Variants in DMXL1 observed in about 807,000 individuals in gnomAD.
The protein encoded by DMXL1 is dmX-like protein 1.
In DMXL1, 99 loss-of-function variants were observed where a neutral mutation model predicts 319.2. The ratio of observed to expected loss-of-function variants is 0.31; its 90% confidence interval spans 0.26 to 0.37. The LOEUF is 0.37. DMXL1 is among the 10% of genes least tolerant of loss of function. The pLI is 1.00. For synonymous variants in DMXL1, 1,385 were observed against 1,235.2 expected (o/e 1.12, Z -2.54); for missense variants, 3,745 against 3,595.6 (o/e 1.04, Z -1.06).
In DMXL1 at chr5:119,149,398, G is replaced by T; in HGVS notation, c.3571G>T (p.Val1191Phe). ...LAFPLWESTKVVPLSKFVLLR... is the reference protein window; with the variant it reads ...LAFPLWESTKFVPLSKFVLLR... ...ATTTCCTCTCTGGGAGAGTACCAAA[G>T]TTGTGCCCCTTTCTAAATTTGTACT... The change falls in exon 18 of 44, where the codon GTT becomes TTT. Residue 1191 changes from valine to phenylalanine, a missense_variant. This residue lies in a region of DMXL1 where 2,096 missense variants were observed against 1,985.4 expected (regional missense o/e 1.06). Transcript: ENST00000539542. 1 of 1,613,940 alleles carries T rather than the reference G, an allele frequency of 6.2e-7. No individual in the cohort carries two copies. The highest frequency in any genetic ancestry group is 1.1e-5 in the South Asian group (1 of 91,080).
chr5:119,235,219 G>GT (rs1216553654), intron 39 of DMXL1, among the ~76,000 whole-genome samples: 1 of 152,098 alleles, frequency 6.6e-6, no homozygotes, highest in Non-Finnish European at 1.5e-5. Context: ...AAAACTAAGT[G>GT]TCTGGAAAGG....
chr5:119,177,419 C>T lies in DMXL1; in HGVS notation c.6821C>T (p.Pro2274Leu), dbSNP rs1452293285. The change falls in exon 27 of 44, where the codon CCT (proline) becomes CTT (leucine). Residue 2274 changes from proline (P) to leucine (L), a missense_variant. Coordinates refer to ENST00000539542, the MANE Select transcript of DMXL1 (RefSeq NM_001290321.3). Reference sequence around the variant, plus strand: ...CAGACAGTACTGCTTCCTCATCGACCTTCTTTGAAAACAGGAAGCTTAGAT... The same window carrying T: ...CAGACAGTACTGCTTCCTCATCGACTTTCTTTGAAAACAGGAAGCTTAGAT... The part of the protein sequence containing the change: ...VYQTVLLPHR[P>L]SLKTGSLDEA... 6.2e-7 allele frequency: 1 copy of T among 1,609,100 alleles called. No individual in the cohort carries two copies. The highest frequency in any genetic ancestry group is 2.2e-5 in the East Asian group (1 of 44,594).
chr5:119,223,258 T>C (rs1416148041), intron 37 of DMXL1, among the ~76,000 whole-genome samples: 2 of 151,990 alleles, frequency 1.3e-5, no homozygotes, highest in Middle Eastern at 3.2e-3. Flanking sequence ...GGTTTTGCCA[T>C]GTTGGCCAGG....
intron 28 of DMXL1, among the ~76,000 whole-genome samples, chr5:119,186,587 TA>T (rs2150355770): frequency 6.6e-6 from 1 of 152,366 alleles, no homozygotes; most frequent in South Asian, 2.1e-4. Flanking sequence ...ATTAACTTAA[TA>T]ACCTTCCCCT....
rs542723505 is a variant in DMXL1, at chr5:119,246,985, T to C, written c.8923-10T>C. 1.3e-6 allele frequency: 2 copies of C among 1,585,468 alleles called. No individual in the cohort carries two copies. The highest frequency in any genetic ancestry group is 2.7e-5 in the African/African-American group (2 of 73,738). ...ACCCTAATTTTCCGTTTGTTCTTAA[T>C]ATCTTTCAGATTTGGAGTCTCTCTA... On this transcript the variant is annotated splice_polypyrimidine_tract_variant and intron_variant, in intron 43 of 43. Coordinates refer to ENST00000539542, the MANE Select transcript of DMXL1 (RefSeq NM_001290321.3).
intron 5 of DMXL1, among the ~76,000 whole-genome samples, chr5:119,112,616 G>A (rs1034719149): frequency 9.9e-5 from 15 of 152,044 alleles, no homozygotes; most frequent in African/African-American, 3.1e-4. Context: ...ATAGGTAATG[G>A]GTTAACATGT....
At chr5:119,093,792 A>G (rs188568983) in intron 1 of DMXL1, among the ~76,000 whole-genome samples, 39 of 152,320 alleles carry the variant, frequency 2.6e-4, no homozygotes, top group African/African-American at 9.4e-4. Flanking sequence ...AATGATAAGG[A>G]AGCAAAATAG....
At chr5:119,094,744 A>G (rs1755543264) in intron 1 of DMXL1, among the ~76,000 whole-genome samples, 1 of 152,258 alleles carries the variant, frequency 6.6e-6, no homozygotes, top group South Asian at 2.1e-4. Flanking sequence ...GAGGAGGTCA[A>G]AATATCAACA....
Position 119,173,776 on chromosome 5 carries a change from G to GTGTGTGTGTATATATATATA in DMXL1, c.6682-1484_6682-1483insGTGTGTGTATATATATATAT. 1.0e-4 allele frequency among the ~76,000 whole-genome samples: 7 copies of GTGTGTGTGTATATATATATA among 67,170 alleles called. 1 individual carries two copies. The highest frequency in any genetic ancestry group is 5.4e-4 in the South Asian group (1 of 1,856). The allele number at this position is 67,170 out of a possible 152,430, so 44.1% of individuals were successfully genotyped here. On this transcript the variant is annotated intron_variant, in intron 25 of 43. Coordinates refer to ENST00000539542, the MANE Select transcript of DMXL1 (RefSeq NM_001290321.3). ...TGTGTATATATATATATGTGTGTGTGTATATATATATATATATATATAATG... is the reference window on the plus strand; with the variant it reads ...TGTGTATATATATATATGTGTGTGTGTGTGTGTGTATATATATATATATATATATATATATATATATAATG...
chr5:119,124,137 C>T (rs58988852), intron 9 of DMXL1, among the ~76,000 whole-genome samples: 4 of 151,246 alleles, frequency 2.6e-5, no homozygotes, highest in East Asian at 2.0e-4. Flanking sequence ...GGTAAAACCC[C>T]GTCTCTACCA....
chr5:119,175,146 G>A, intron 25 of DMXL1, 115 bp from the exon 26 acceptor site: 2 of 602,892 alleles, frequency 3.3e-6, no homozygotes, highest in Non-Finnish European at 5.5e-6. Context: ...GTTCATGAAG[G>A]CAAAGAATCA....
At chr5:119,103,926 A>G (rs1167702255) in intron 3 of DMXL1, among the ~76,000 whole-genome samples, 2 of 152,194 alleles carry the variant, frequency 1.3e-5, no homozygotes, top group Non-Finnish European at 2.9e-5. Flanking sequence ...ATAAAACTCA[A>G]AAAGAGGCTG....
Position 119,134,898 on chromosome 5 carries a change from C to T in DMXL1, c.2376+509C>T, listed in dbSNP as rs569288104. 3.0e-4 allele frequency among the ~76,000 whole-genome samples: 46 copies of T among 152,352 alleles called. 1 individual carries two copies. The South Asian group carries it at 7.2e-3, about 24-fold the overall frequency. On this transcript the variant is annotated intron_variant, in intron 13 of 43. Coordinates refer to ENST00000539542, the MANE Select transcript of DMXL1 (RefSeq NM_001290321.3). ...AACTGCATTGTCTTGGGACATCCAA[C>T]AAGCAAGCGTTTCCACTTTTCTGGT...
chr5:119,084,634 C>T (rs867037601), intron 1 of DMXL1, among the ~76,000 whole-genome samples: 2 of 151,402 alleles, frequency 1.3e-5, no homozygotes, highest in African/African-American at 2.4e-5. Flanking sequence ...GAGGCTGAGG[C>T]GGGTGGATCA....
chr5:119,195,583 G>A lies in DMXL1; in HGVS notation c.7458-788G>A, dbSNP rs1779471083. Among the ~76,000 whole-genome samples the A allele has an allele frequency of 4.6e-5, 7 of 152,132 alleles. 1 individual carries two copies. In the South Asian group the frequency reaches 1.4e-3, roughly 31 times the overall value. ...TGGTTTTCAAGGGCTGGTGGTGGGG[G>A]GAGAATGGGGAATGAATTTAGAGTT... On this transcript the variant is annotated intron_variant, in intron 30 of 43. Coordinates refer to ENST00000539542, the MANE Select transcript of DMXL1 (RefSeq NM_001290321.3).
At position 119,199,146 on chromosome 5, in the gene DMXL1, C is replaced by A. The variant is rs114778033; in HGVS notation, c.7745+1190C>A. ...CAAGCAGTCCGCCTGTCACAGCCCC[C>A]CAAAGTGCTGGGATTTTAGCTGTGA... On this transcript the variant is annotated intron_variant, in intron 32 of 43. Coordinates refer to ENST00000539542, the MANE Select transcript of DMXL1 (RefSeq NM_001290321.3). 4.6e-5 allele frequency among the ~76,000 whole-genome samples: 7 copies of A among 152,276 alleles called. No individual in the cohort carries two copies. In the East Asian group the frequency reaches 5.8e-4, roughly 13 times the overall value.
intron 1 of DMXL1, among the ~76,000 whole-genome samples, chr5:119,096,621 T>C (rs1000882842): frequency 6.6e-6 from 1 of 152,206 alleles, no homozygotes; most frequent in Non-Finnish European, 1.5e-5. Context: ...ATATGAATCC[T>C]AGGAGAACAA....
At chr5:119,147,952 T>C (rs1160221329) in intron 17 of DMXL1, among the ~76,000 whole-genome samples, 1 of 152,214 alleles carries the variant, frequency 6.6e-6, no homozygotes, top group African/African-American at 2.4e-5. Context: ...CCAGGGTTAC[T>C]GAATCTCAGA....
chr5:119,123,438 A>G, intron 9 of DMXL1, among the ~76,000 whole-genome samples: 1 of 110,130 alleles, frequency 9.1e-6, no homozygotes, highest in Admixed American at 9.4e-5. Context: ...GAGGAGGGAG[A>G]GGGAGAGGAG....
Sources: allele counts gnomAD v4.1 joint callset (sites outside exome capture counted in the v4.1 genomes callset), GRCh38; gene constraint gnomAD v4.1.1; regional missense constraint gnomAD v4.1.1; transcripts MANE v1.5; gene names NCBI Gene and HGNC (gene_info 2026-07-23, HGNC 2026-07-21).